The following ZNF738 variants were observed in gnomAD, a reference collection of about 807,000 sequenced individuals.
ZNF738 encodes the protein zinc finger protein 738.
Under a neutral mutation model 9.2 loss-of-function variants are expected in ZNF738, and 10 were observed. The observed-to-expected ratio is 1.09, with a 90% CI of 0.67 to 1.85. The LOEUF (loss-of-function observed/expected upper bound fraction) is 1.85. Among genes scored for constraint, ZNF738 ranks in the 40% most tolerant of loss-of-function variants. The pLI is 0.00. For synonymous variants in ZNF738, 113 were observed against 94.5 expected (o/e 1.20, Z -1.14); for missense variants, 346 against 283.6 (o/e 1.22, Z -1.58).
At chr19:21,364,721 T>C (rs1973751665) in intron 2 of ZNF738, among the ~76,000 whole-genome samples, 1 of 148,038 alleles carries the variant, frequency 6.8e-6, no homozygotes, top group Admixed American at 6.9e-5. Flanking sequence ...GGCCTACTGG[T>C]TGCCCATTTT....
At chr19:21,366,225 G>A (rs1305982368) in intron 2 of ZNF738, among the ~76,000 whole-genome samples, 5 of 152,198 alleles carry the variant, frequency 3.3e-5, no homozygotes, top group Admixed American at 2.6e-4. Flanking sequence ...TGTGAAACCA[G>A]TTCTTAGTTG....
chr19:21,382,144 C>T (rs1235201182), intron 4 of ZNF738, among the ~76,000 whole-genome samples: 3 of 141,848 alleles, frequency 2.1e-5, no homozygotes, highest in African/African-American at 8.1e-5. Flanking sequence ...TGACTCACTG[C>T]TACCTCTGCC....
intron 2 of ZNF738, among the ~76,000 whole-genome samples, chr19:21,366,317 G>A (rs1384746848): frequency 6.6e-6 from 1 of 152,174 alleles, no homozygotes; most frequent in Non-Finnish European, 1.5e-5. Context: ...TCCAAGTACA[G>A]TCAAGCATCC....
chr19:21,369,321 G>A (rs1973826721), intron 2 of ZNF738, among the ~76,000 whole-genome samples: 1 of 151,992 alleles, frequency 6.6e-6, no homozygotes, highest in Non-Finnish European at 1.5e-5. Context: ...ATGTTGCCCA[G>A]GCTGGTCTTT....
chr19:21,376,191 C>A (rs933947566), intron 4 of ZNF738: 7 of 346,798 alleles, frequency 2.0e-5, no homozygotes, highest in Non-Finnish European at 3.7e-5. Context: ...ATTCTACTTT[C>A]CCTTCATTGA....
intron 2 of ZNF738, among the ~76,000 whole-genome samples, chr19:21,373,530 A>AT (rs1973882938): frequency 6.6e-6 from 1 of 152,234 alleles, no homozygotes. Context: ...ACCTGAAGAC[A>AT]GAAATAGAGA....
chr19:21,377,783 C>G (rs1253757690), intron 4 of ZNF738: 2 of 355,982 alleles, frequency 5.6e-6, no homozygotes, highest in African/African-American at 2.1e-5. Flanking sequence ...TGTAGAAAGG[C>G]AAATTGGATC....
chr19:21,376,232 G>A, intron 4 of ZNF738: 1 of 309,274 alleles, frequency 3.2e-6, no homozygotes. Flanking sequence ...GAGAGCCAGA[G>A]TCCTCTTCAT....
At chr19:21,370,772 C>T (rs749296127) in intron 2 of ZNF738, among the ~76,000 whole-genome samples, 3 of 152,124 alleles carry the variant, frequency 2.0e-5, no homozygotes, top group African/African-American at 2.4e-5. Flanking sequence ...TGACTGTACT[C>T]GGCTTGCTGT....
chr19:21,381,168 C>T, intron 4 of ZNF738: 1 of 1,111,800 alleles, frequency 9.0e-7, no homozygotes, highest in Non-Finnish European at 1.3e-6. Context: ...CAGTGAGCAC[C>T]AAGGCTTCCA....
chr19:21,361,217 A>T, intron 1 of ZNF738, among the ~76,000 whole-genome samples: 1 of 151,080 alleles, frequency 6.6e-6, no homozygotes, highest in East Asian at 2.0e-4. Flanking sequence ...GGCTCACCGC[A>T]ACTTCTGCCT....
rs576914122 is a variant in ZNF738 at position 21,386,993 on chromosome 19, C to A, written c.*3319C>A. On this transcript the variant is annotated 3_prime_UTR_variant, in exon 5 of 5. Coordinates refer to ENST00000683779, the MANE Select transcript of ZNF738 (RefSeq NM_001355237.2). ...GTGCTGGGATTACAGGCATGAGCCA[C>A]CACGCTCAGCCACTAGTCCTCAGAT... 1 of 152,754 alleles carries A rather than the reference C, an allele frequency of 6.5e-6. No homozygotes were observed. The highest frequency in any genetic ancestry group is 6.5e-5 in the Admixed American group (1 of 15,276). The allele number at this position is 152,754 out of a possible 1,614,324, so 9.5% of individuals were successfully genotyped here.
In ZNF738 at chr19:21,383,593, TG is replaced by T; in HGVS notation, c.1049del (p.Gly350AlafsTer15). On this transcript the variant is annotated frameshift_variant, in exon 5 of 5. Transcript: ENST00000683779. LOFTEE classifies it low-confidence loss of function (END_TRUNC). ...GEKPYKCEEC[G>X]KAFNWYSHLT... ...AGAAACCCTACAAATGTGAGGAATG[TG>T]GCAAAGCTTTTAATTGGTACTCACA... The T allele has an allele frequency of 9.8e-7, 1 of 1,019,498 alleles. No individual in the cohort carries two copies. Among genetic ancestry groups the T allele is most frequent in the Non-Finnish European group, 1.5e-6 (1 of 654,896 alleles). The allele number at this position is 1,019,498 out of a possible 1,614,324, so 63.2% of individuals were successfully genotyped here. A position where few individuals can be genotyped will look rare whatever the true frequency, so the allele number is the denominator to read the frequency against.
Position 21,382,969 on chromosome 19 carries a change from T to A in ZNF738, c.423T>A (p.Asp141Glu). The change falls in exon 5 of 5, where the codon GAT becomes GAA. Residue 141 changes from aspartate (D) to glutamate (E), a missense_variant. Transcript: ENST00000683779. ...LREYGNYGHKDLQLRKGCKSV... is the reference protein window; with the variant it reads ...LREYGNYGHKELQLRKGCKSV... ...AATATGGAAATTATGGACATAAAGATTTACAGTTAAGAAAAGGCTGTAAAA... is the reference window on the plus strand; with the variant it reads ...AATATGGAAATTATGGACATAAAGAATTACAGTTAAGAAAAGGCTGTAAAA... The A allele has an allele frequency of 7.6e-6, 5 of 662,060 alleles. No homozygotes were observed. In the South Asian group the frequency reaches 7.8e-5, roughly 10 times the overall value. 41.0% of individuals were successfully genotyped at this position (662,060 alleles called of 1,614,324 possible).
At chr19:21,379,281 C>T (rs1371124915) in intron 4 of ZNF738, 1 of 151,756 alleles carries the variant, frequency 6.6e-6, no homozygotes, top group Non-Finnish European at 1.5e-5. Context: ...ATATTCTAAT[C>T]TTTTATTAAA....
chr19:21,370,436 T>C (rs1481508294), intron 2 of ZNF738, among the ~76,000 whole-genome samples: 1 of 152,228 alleles, frequency 6.6e-6, no homozygotes, highest in Non-Finnish European at 1.5e-5. Context: ...TCTCAATCTT[T>C]TGAAATAATA....
intron 4 of ZNF738, among the ~76,000 whole-genome samples, chr19:21,380,396 G>A (rs536577831): frequency 1.1e-4 from 17 of 152,300 alleles, no homozygotes; most frequent in Non-Finnish European, 2.1e-4. Flanking sequence ...ACAAGGAAGG[G>A]GAGATGGGGG....
At chr19:21,365,610 CTG>C (rs1253354298) in intron 2 of ZNF738, among the ~76,000 whole-genome samples, 2 of 152,008 alleles carry the variant, frequency 1.3e-5, no homozygotes, top group African/African-American at 4.8e-5. Flanking sequence ...CCATTCATAA[CTG>C]TTGAGTTTCA....
chr19:21,378,030 C>A (rs1277186818), intron 4 of ZNF738: 1 of 397,204 alleles, frequency 2.5e-6, no homozygotes, highest in Non-Finnish European at 4.4e-6. Flanking sequence ...CTTTGTGGTA[C>A]GTGGGGGATT....
Sources: gnomAD v4.1 joint callset for allele counts (sites outside exome capture counted in the v4.1 genomes callset) on GRCh38, gnomAD v4.1.1 for gene constraint, MANE v1.5 for transcripts, NCBI Gene and HGNC (gene_info 2026-07-23, HGNC 2026-07-21) for gene names.